SYN3: variants seen among roughly 807,000 people sequenced by gnomAD.
SYN3 encodes synapsin III, also known as synapsin-3.
In SYN3, 35 loss-of-function variants were observed where a neutral mutation model predicts 65.8. The ratio of observed to expected loss-of-function variants is 0.53; its 90% CI spans 0.41 to 0.70. The LOEUF (loss-of-function observed/expected upper bound fraction) is 0.70, where lower values mean the gene tolerates loss of function less well. SYN3 is among the 30% of genes least tolerant of loss of function. The probability of loss-of-function intolerance (pLI) is 0.00; values close to 1 mark genes in which losing one functional copy is unlikely to be tolerated. For synonymous variants in SYN3, 270 were observed against 292.9 expected (o/e 0.92, Z 0.80); for missense variants, 680 against 749.0 (o/e 0.91, Z 1.08).
chr22:33,040,660 G>A (rs1415041646), intron 1 of SYN3, among the ~76,000 whole-genome samples: 6 of 152,150 alleles, frequency 3.9e-5, no homozygotes, highest in Non-Finnish European at 5.9e-5. Flanking sequence ...TGTCAAGGGA[G>A]AGACCAGGTG....
chr22:32,527,829 G>T, intron 12 of SYN3, 89 bp downstream of exon 12: 1 of 1,130,814 alleles, frequency 8.8e-7, no homozygotes, highest in Non-Finnish European at 1.3e-6. Flanking sequence ...TTTTCCCAGA[G>T]CCCCTTGTGG....
chr22:32,963,274 ACAGGGTTTCAC>A (rs1835268972), intron 3 of SYN3, among the ~76,000 whole-genome samples: 1 of 138,834 alleles, frequency 7.2e-6, no homozygotes, highest in Non-Finnish European at 1.5e-5. Context: ...TTCAGTAGAG[ACAGGGTTTCAC>A]CATGTTGACC....
At chr22:32,800,628 T>C (rs1232137852) in intron 6 of SYN3, among the ~76,000 whole-genome samples, 1 of 152,256 alleles carries the variant, frequency 6.6e-6, no homozygotes, top group African/African-American at 2.4e-5. Context: ...GCTAGTCGTC[T>C]AGGATCCTGG....
At chr22:32,565,165 GCTCTC>G (rs1182625181) in intron 7 of SYN3, among the ~76,000 whole-genome samples, 4 of 139,356 alleles carry the variant, frequency 2.9e-5, no homozygotes, top group African/African-American at 1.1e-4. Flanking sequence ...CCCAAACAGT[GCTCTC>G]GGACTGCACC....
intron 6 of SYN3, among the ~76,000 whole-genome samples, chr22:32,618,476 A>G (rs1184164484): frequency 6.6e-6 from 1 of 152,126 alleles, no homozygotes; most frequent in Non-Finnish European, 1.5e-5. Flanking sequence ...TGCTTCCTCC[A>G]TTTCAGATGG....
At chr22:32,804,933 C>T (rs932859636) in intron 6 of SYN3, among the ~76,000 whole-genome samples, 8 of 152,146 alleles carry the variant, frequency 5.3e-5, no homozygotes, top group African/African-American at 1.4e-4. Flanking sequence ...ATGAAGAAGG[C>T]GGCCTCGGCC....
intron 7 of SYN3, among the ~76,000 whole-genome samples, chr22:32,563,373 G>C (rs1415197879): frequency 1.3e-5 from 2 of 152,228 alleles, no homozygotes; most frequent in East Asian, 3.8e-4. Context: ...AACACAGTGT[G>C]GATGCAAAGC....
At chr22:32,802,215 T>G in intron 6 of SYN3, 2 of 1,483,462 alleles carry the variant, frequency 1.3e-6, no homozygotes, top group Non-Finnish European at 9.0e-7. Context: ...TCCTTTCCTC[T>G]GCCCCAGGAG....
In SYN3 at chr22:32,813,639, G is replaced by A. The variant is rs373611789; in HGVS notation, c.711+51276C>T. Among the ~76,000 whole-genome samples the A allele has an allele frequency of 3.8e-4, 57 of 150,850 alleles. 2 individuals are homozygous for A. In the South Asian group the frequency reaches 0.011, roughly 30 times the overall value. On this transcript the variant is annotated intron_variant, in intron 6 of 13. Transcript: ENST00000358763. ...TTTCTAGAATCTCCTTTCAATTCTC[G>A]GATCTCTGAGTGAGTAACACCCAAT...
chr22:32,554,597 C>T (rs76408676), intron 7 of SYN3, among the ~76,000 whole-genome samples: 6,997 of 152,218 alleles, frequency 0.046, 286 homozygotes, highest in East Asian at 0.16. Context: ...CTATTCACCC[C>T]GCCACTCCGG....
intron 6 of SYN3, among the ~76,000 whole-genome samples, chr22:32,641,630 A>AT (rs61006030): frequency 1.4e-5 from 2 of 146,012 alleles, no homozygotes; most frequent in African/African-American, 5.1e-5. Flanking sequence ...AAAAAAAAAA[A>AT]TTGCCTAGGG....
At chr22:32,919,742 T>C (rs988152358) in intron 4 of SYN3, among the ~76,000 whole-genome samples, 3 of 152,234 alleles carry the variant, frequency 2.0e-5, no homozygotes, top group Non-Finnish European at 2.9e-5. Context: ...AGTTTCTTGA[T>C]GGGATGTTAG....
chr22:32,979,500 C>A (rs2052308813), intron 3 of SYN3, among the ~76,000 whole-genome samples: 1 of 152,148 alleles, frequency 6.6e-6, no homozygotes, highest in Non-Finnish European at 1.5e-5. Context: ...GTTTCTCTGA[C>A]ACGGTAAGCT....
intron 6 of SYN3, among the ~76,000 whole-genome samples, chr22:32,784,673 T>C (rs926556962): frequency 2.6e-5 from 4 of 152,212 alleles, no homozygotes; most frequent in African/African-American, 9.6e-5. Flanking sequence ...CATGCAGCAA[T>C]ACATAGGTAA....
intron 6 of SYN3, among the ~76,000 whole-genome samples, chr22:32,647,456 T>C (rs981144987): frequency 1.3e-5 from 2 of 152,012 alleles, no homozygotes; most frequent in African/African-American, 4.8e-5. Context: ...TTTTTCTTTT[T>C]TTTTTTTTGA....
intron 7 of SYN3, among the ~76,000 whole-genome samples, chr22:32,543,107 C>A (rs1349109438): frequency 6.6e-6 from 1 of 152,150 alleles, no homozygotes; most frequent in East Asian, 1.9e-4. Flanking sequence ...TTCTGCCTGC[C>A]CTTTGTGGCT....
At chr22:32,722,207 G>A (rs944606868) in intron 6 of SYN3, among the ~76,000 whole-genome samples, 7 of 152,134 alleles carry the variant, frequency 4.6e-5, no homozygotes, top group African/African-American at 1.7e-4. Flanking sequence ...GCCTTTGGTT[G>A]TGTCAAGGGG....
chr22:32,902,341 C>G lies in SYN3; in HGVS notation c.461+29049G>C, dbSNP rs58169126. Among the ~76,000 whole-genome samples the G allele has an allele frequency of 2.8e-4, 42 of 152,284 alleles. No individual in the cohort carries two copies. In the East Asian group the frequency reaches 3.9e-3, roughly 14 times the overall value. ...GTGAGGGTTTCTAAGCACAAGTGAG[C>G]AGTAACAAGGAATCAGGAAGATGGG... On this transcript the variant is annotated intron_variant, in intron 4 of 13. Coordinates refer to ENST00000358763, the MANE Select transcript of SYN3 (RefSeq NM_003490.4).
intron 4 of SYN3, among the ~76,000 whole-genome samples, chr22:32,880,817 C>T (rs758461494): frequency 1.3e-5 from 2 of 152,228 alleles, no homozygotes; most frequent in Admixed American, 6.5e-5. Flanking sequence ...TTGCGCGTCT[C>T]GTAAACAGCC....
Sources: allele counts gnomAD v4.1 joint callset (sites outside exome capture counted in the v4.1 genomes callset), GRCh38; gene constraint gnomAD v4.1.1; transcripts MANE v1.5; gene names NCBI Gene and HGNC (gene_info 2026-07-23, HGNC 2026-07-21).